The following MAGI2 variants were observed in gnomAD, a reference collection of about 807,000 sequenced individuals.
The protein encoded by MAGI2 is membrane-associated guanylate kinase, WW and PDZ domain-containing protein 2.
A neutral mutation model predicts 133.3 loss-of-function variants in MAGI2; 35 were observed. The ratio of observed to expected loss-of-function variants is 0.26; its 90% CI spans 0.20 to 0.35. The LOEUF (loss-of-function observed/expected upper bound fraction) is 0.35, where lower values mean the gene tolerates loss of function less well. Ranked by LOEUF, MAGI2 falls within the 10% of genes least tolerant of loss-of-function variation. The pLI is 1.00. For missense variants in MAGI2, 1,636 were observed against 1,863.4 expected, an observed-to-expected ratio of 0.88 and a Z score of 2.25; for synonymous variants, 729 against 710.6, an observed-to-expected ratio of 1.03 and a Z score of -0.41.
intron 2 of MAGI2, among the ~76,000 whole-genome samples, chr7:78,718,091 C>A (rs999309932): frequency 2.6e-5 from 4 of 152,172 alleles, no homozygotes; most frequent in African/African-American, 9.7e-5. Context: ...CTTATTAGAG[C>A]ACCAGCTAAT....
chr7:78,611,700 T>C (rs918622926), intron 3 of MAGI2, among the ~76,000 whole-genome samples: 2 of 152,222 alleles, frequency 1.3e-5, no homozygotes, highest in Non-Finnish European at 2.9e-5. Context: ...CAGCCTGGGA[T>C]GCAAACAATT....
At chr7:78,546,457 A>G (rs1798848947) in intron 3 of MAGI2, among the ~76,000 whole-genome samples, 1 of 152,242 alleles carries the variant, frequency 6.6e-6, no homozygotes, top group African/African-American at 2.4e-5. Flanking sequence ...AAAGAAAAGC[A>G]TAAGAAAGAT....
chr7:78,688,649 T>C (rs1165045843), intron 2 of MAGI2, among the ~76,000 whole-genome samples: 1 of 152,206 alleles, frequency 6.6e-6, no homozygotes, highest in Non-Finnish European at 1.5e-5. Context: ...TGAACACTTT[T>C]ATCAGTGCGA....
intron 2 of MAGI2, among the ~76,000 whole-genome samples, chr7:78,801,632 G>A (rs930144961): frequency 9.2e-5 from 14 of 152,062 alleles, no homozygotes; most frequent in Admixed American, 3.3e-4. Context: ...GTAGTGCACA[G>A]GGATTATTTC....
chr7:78,671,512 C>A (rs946097087), intron 2 of MAGI2, among the ~76,000 whole-genome samples: 5 of 152,220 alleles, frequency 3.3e-5, no homozygotes, highest in South Asian at 4.1e-4. Flanking sequence ...TTTAAACAAA[C>A]CTGTTATTTG....
At chr7:79,410,249 G>T (rs766513329) in intron 1 of MAGI2, 11 of 151,994 alleles carry the variant, frequency 7.2e-5, no homozygotes, top group Non-Finnish European at 8.8e-5. Context: ...CTGAAAATCT[G>T]GTAAGGCTAA....
At chr7:79,079,377 A>T (rs1815829192) in intron 1 of MAGI2, among the ~76,000 whole-genome samples, 1 of 152,226 alleles carries the variant, frequency 6.6e-6, no homozygotes, top group Non-Finnish European at 1.5e-5. Flanking sequence ...AAGAGGAAAC[A>T]GCTTCACAAG....
intron 6 of MAGI2, among the ~76,000 whole-genome samples, chr7:78,397,878 T>C (rs1796504703): frequency 6.6e-6 from 1 of 152,170 alleles, no homozygotes; most frequent in African/African-American, 2.4e-5. Flanking sequence ...GGCAACATAT[T>C]ATATTTTTCT....
At chr7:78,235,109 C>A (rs924258642) in intron 10 of MAGI2, among the ~76,000 whole-genome samples, 2 of 152,106 alleles carry the variant, frequency 1.3e-5, no homozygotes, top group African/African-American at 2.4e-5. Flanking sequence ...CCTCCCTCCA[C>A]TTAAAAATAA....
chr7:79,228,173 G>A (rs953253302), intron 1 of MAGI2, among the ~76,000 whole-genome samples: 3 of 151,248 alleles, frequency 2.0e-5, no homozygotes, highest in African/African-American at 4.9e-5. Context: ...ATGAGACCTC[G>A]TCTCTAGAAA....
rs370706997 is a variant in MAGI2 at position 79,442,728 on chromosome 7, T to C, written c.301+10292A>G. 5.3e-5 allele frequency among the ~76,000 whole-genome samples: 8 copies of C among 151,936 alleles called. No individual in the cohort carries two copies. In the East Asian group the frequency reaches 1.2e-3, roughly 22 times the overall value. On this transcript the variant is annotated intron_variant, in intron 1 of 21. Transcript: ENST00000354212. ...GAGGTAATCAATTTTCTTCTGCTCA[T>C]TCAGCCTTCACTCTTCACACACACA...
At chr7:78,124,765 A>C (rs1313195448) in intron 20 of MAGI2, among the ~76,000 whole-genome samples, 3 of 152,170 alleles carry the variant, frequency 2.0e-5, no homozygotes, top group Non-Finnish European at 2.9e-5. Context: ...ATACCCTTAA[A>C]TGAAGAATCA....
intron 6 of MAGI2, among the ~76,000 whole-genome samples, chr7:78,472,333 A>C (rs1791295440): frequency 6.6e-6 from 1 of 152,162 alleles, no homozygotes; most frequent in South Asian, 2.1e-4. Context: ...ACACAAAAGG[A>C]AAACATCCTT....
At chr7:78,508,352 T>A (rs2150548300) in intron 4 of MAGI2, among the ~76,000 whole-genome samples, 1 of 152,302 alleles carries the variant, frequency 6.6e-6, no homozygotes, top group Admixed American at 6.5e-5. Flanking sequence ...ATATTTAACA[T>A]CTCAAGGACT....
At chr7:79,132,647 C>A (rs376629525) in intron 1 of MAGI2, among the ~76,000 whole-genome samples, 1 of 151,856 alleles carries the variant, frequency 6.6e-6, no homozygotes, top group African/African-American at 2.4e-5. Flanking sequence ...TTTTCCTTTG[C>A]GTAGATACCC....
chr7:78,632,379 T>C (rs1020800369), intron 2 of MAGI2, among the ~76,000 whole-genome samples: 4 of 151,770 alleles, frequency 2.6e-5, no homozygotes, highest in Admixed American at 2.0e-4. Flanking sequence ...GAGAAAAGGG[T>C]GGAGGAGAAG....
At chr7:78,072,936 G>A (rs1334489800) in intron 21 of MAGI2, 6 of 398,552 alleles carry the variant, frequency 1.5e-5, no homozygotes, top group Non-Finnish European at 2.2e-5. Flanking sequence ...AGGATTAGAG[G>A]TGTGAGCCAC....
intron 3 of MAGI2, chr7:78,616,163 T>C (rs1807061804): frequency 6.6e-6 from 1 of 152,238 alleles, no homozygotes; most frequent in Non-Finnish European, 1.5e-5. Flanking sequence ...ATTTCTTTAA[T>C]GAGAAAACAC....
At chr7:78,098,944 T>C (rs1246857506) in intron 20 of MAGI2, among the ~76,000 whole-genome samples, 1 of 152,216 alleles carries the variant, frequency 6.6e-6, no homozygotes, top group African/African-American at 2.4e-5. Flanking sequence ...TTAGGTTGTC[T>C]TTCTTGTTTT....
Sources: gnomAD v4.1 joint callset for allele counts (sites outside exome capture counted in the v4.1 genomes callset) on GRCh38, gnomAD v4.1.1 for gene constraint, MANE v1.5 for transcripts, NCBI Gene and HGNC (gene_info 2026-07-23, HGNC 2026-07-21) for gene names.